Variants in FAM20C observed in about 807,000 individuals in gnomAD.
FAM20C encodes extracellular serine/threonine protein kinase FAM20C.
A neutral mutation model predicts 51.5 loss-of-function variants in FAM20C; 40 were observed. The ratio of observed to expected loss-of-function variants is 0.78; its 90% CI spans 0.60 to 1.01. FAM20C has a LOEUF of 1.01. Ranked by LOEUF, FAM20C falls within the 50% of genes least tolerant of loss-of-function variation. FAM20C has a pLI of 0.00. For missense variants in FAM20C, 861 were observed against 844.7 expected (o/e 1.02, Z -0.24); for synonymous variants, 406 against 380.6 (o/e 1.07, Z -0.78).
At position 208,992 on chromosome 7, in the gene FAM20C, T is replaced by C. The variant is rs1786578819; in HGVS notation, c.863+16T>C. On this transcript the variant is annotated intron_variant, in intron 3 of 9. Coordinates refer to ENST00000313766, the MANE Select transcript of FAM20C (RefSeq NM_020223.4). ...AACCCATGAAGTAAGTGCCGAGGCC[T>C]GTGGGCTGGGGCGTGAGGAGCTGGA... is the stretch of plus-strand genomic sequence containing the variant. The C allele has an allele frequency of 1.3e-6, 2 of 1,569,952 alleles. No individual in the cohort carries two copies. Among genetic ancestry groups the C allele is most frequent in the East Asian group, 2.4e-5 (1 of 42,408 alleles).
At chr7:212,322 G>T (rs1050453534) in intron 3 of FAM20C, among the ~76,000 whole-genome samples, 1 of 152,192 alleles carries the variant, frequency 6.6e-6, no homozygotes, top group Non-Finnish European at 1.5e-5. Context: ...AATTAGCCGG[G>T]TGTGGTGGTT....
chr7:247,333 C>T (rs1225366988), intron 4 of FAM20C, among the ~76,000 whole-genome samples: 1 of 152,172 alleles, frequency 6.6e-6, no homozygotes, highest in Non-Finnish European at 1.5e-5. Context: ...GATTGAAGGA[C>T]CTTGCCCTGG....
chr7:204,806 C>T (rs377093478), intron 2 of FAM20C, among the ~76,000 whole-genome samples: 3 of 148,768 alleles, frequency 2.0e-5, no homozygotes, highest in Admixed American at 6.7e-5. Context: ...GTGTGGCCTT[C>T]GCTGTGCTGT....
At chr7:205,876 C>G (rs929724325) in intron 2 of FAM20C, among the ~76,000 whole-genome samples, 1 of 152,156 alleles carries the variant, frequency 6.6e-6, no homozygotes, top group African/African-American at 2.4e-5. Flanking sequence ...ACCCTCCCTC[C>G]CAGCCAGCCG....
intron 3 of FAM20C, among the ~76,000 whole-genome samples, chr7:214,325 CA>C (rs553411805): frequency 0.02 from 2,908 of 142,264 alleles, 49 homozygotes; most frequent in Admixed American, 0.053. Flanking sequence ...AACTCGGTCT[CA>C]AAAAAAAAAA....
chr7:251,680 C>T (rs1788409676), intron 5 of FAM20C, among the ~76,000 whole-genome samples: 1 of 152,206 alleles, frequency 6.6e-6, no homozygotes. Flanking sequence ...CGGCCATCGA[C>T]CACCTTTGGT....
At chr7:243,851 C>G (rs1449542184) in intron 3 of FAM20C, among the ~76,000 whole-genome samples, 1 of 151,874 alleles carries the variant, frequency 6.6e-6, no homozygotes, top group Non-Finnish European at 1.5e-5. Flanking sequence ...TGGTGCAGGC[C>G]TTTGCTCCAG....
At chr7:232,391 C>T (rs1264285331) in intron 3 of FAM20C, among the ~76,000 whole-genome samples, 5 of 152,228 alleles carry the variant, frequency 3.3e-5, no homozygotes, top group Admixed American at 2.0e-4. Context: ...CGTCTCCTCC[C>T]TGGACAGAGC....
In FAM20C at chr7:193,823, G is replaced by C; in HGVS notation, c.605+19G>C. ...CGGACTGGTGAGTGGGGGCTGGCAGGTGCCCACCCCCAAGGGAGCCGTGAG... is the reference window on the plus strand; with the variant it reads ...CGGACTGGTGAGTGGGGGCTGGCAGCTGCCCACCCCCAAGGGAGCCGTGAG... On this transcript the variant is annotated intron_variant, in intron 1 of 9. Transcript: ENST00000313766. The C allele has an allele frequency of 6.4e-7, 1 of 1,551,218 alleles. No homozygotes were observed. The highest frequency in any genetic ancestry group is 2.4e-5 in the East Asian group (1 of 40,970).
At chr7:222,709 G>T (rs1310582109) in intron 3 of FAM20C, among the ~76,000 whole-genome samples, 1 of 152,228 alleles carries the variant, frequency 6.6e-6, no homozygotes, top group Non-Finnish European at 1.5e-5. Flanking sequence ...ACCGTGGCAG[G>T]CAGAGTGCCT....
At chr7:256,565 C>A (rs1788598914) in intron 6 of FAM20C, 89 bp from the exon 7 acceptor site, 3 of 1,074,814 alleles carry the variant, frequency 2.8e-6, no homozygotes, top group Non-Finnish European at 4.1e-6. Flanking sequence ...AAGGTCCCTG[C>A]CGCAGTGTTT....
At chr7:216,630 TGA>T (rs1786980246) in intron 3 of FAM20C, among the ~76,000 whole-genome samples, 1 of 62,522 alleles carries the variant, frequency 1.6e-5, no homozygotes, top group East Asian at 4.0e-4. Flanking sequence ...TGAGTGTGTG[TGA>T]GTGTGTGTGA....
At chr7:199,667 G>A (rs997961497) in intron 2 of FAM20C, among the ~76,000 whole-genome samples, 3 of 152,182 alleles carry the variant, frequency 2.0e-5, no homozygotes, top group African/African-American at 7.2e-5. Context: ...CTACAGCACA[G>A]CTGGTTAGGG....
chr7:227,601 G>C (rs953376851), intron 3 of FAM20C: 2 of 152,074 alleles, frequency 1.3e-5, no homozygotes, highest in African/African-American at 4.8e-5. Flanking sequence ...ATGAAAGGAA[G>C]CATCACAAGG....
chr7:258,838 C>A, intron 9 of FAM20C, 133 bp downstream of exon 9: 2 of 940,880 alleles, frequency 2.1e-6, no homozygotes, highest in Non-Finnish European at 3.1e-6. Context: ...TCAACCACAG[C>A]CCTGAATTCA....
In FAM20C at chr7:218,310, C is replaced by T. The variant is rs537088505; in HGVS notation, c.863+9334C>T. Among the ~76,000 whole-genome samples, 136 of 152,342 alleles carry T rather than the reference C, an allele frequency of 8.9e-4. 1 individual carries two copies. The highest frequency in any genetic ancestry group is 6.8e-3 in the Middle Eastern group (2 of 294). ...CCTGGGCTCAGCACTTCCTGGCAGC[C>T]GGGGCCCCTTTCCGGTGCTCCCGTC... is the stretch of plus-strand genomic sequence containing the variant. On this transcript the variant is annotated intron_variant, in intron 3 of 9. Transcript: ENST00000313766.
Position 199,022 on chromosome 7 carries a change from A to T in FAM20C, c.784+3290A>T, listed in dbSNP as rs939499823. Among the ~76,000 whole-genome samples the T allele has an allele frequency of 2.6e-5, 4 of 152,242 alleles. 1 individual carries two copies. Among genetic ancestry groups the T allele is most frequent in the African/African-American group, 9.6e-5 (4 of 41,462 alleles). ...CCCTCACCTGTGAACCAAGTGTGCC[A>T]TGGGAGCTGCTCCATGTCCAGGTCC... On this transcript the variant is annotated intron_variant, in intron 2 of 9. Transcript: ENST00000313766.
chr7:202,524 G>T (rs1458526685), intron 2 of FAM20C, among the ~76,000 whole-genome samples: 2 of 144,876 alleles, frequency 1.4e-5, no homozygotes, highest in Non-Finnish European at 3.0e-5. Flanking sequence ...TGGGGAATGG[G>T]GCTTGTGGAC....
At chr7:252,995 C>T (rs369155954) in intron 5 of FAM20C, among the ~76,000 whole-genome samples, 26 of 152,364 alleles carry the variant, frequency 1.7e-4, no homozygotes, top group East Asian at 1.2e-3. Flanking sequence ...TCAGCAGCTC[C>T]GGAAGCCACT....
Sources: allele counts gnomAD v4.1 joint callset (sites outside exome capture counted in the v4.1 genomes callset), GRCh38; gene constraint gnomAD v4.1.1; transcripts MANE v1.5; gene names NCBI Gene and HGNC (gene_info 2026-07-23, HGNC 2026-07-21).